The following PHF19 variants were observed in gnomAD, a reference collection of about 807,000 sequenced individuals.
PHF19 encodes PHD finger protein 19, also known as polycomb like 3.
A neutral mutation model predicts 79.8 loss-of-function variants in PHF19; 21 were observed. The ratio of observed to expected loss-of-function variants is 0.26; its 90% CI spans 0.19 to 0.38. PHF19 has a LOEUF of 0.38. PHF19 is among the 10% of genes least tolerant of loss of function. The pLI, the probability that PHF19 is intolerant of heterozygous loss-of-function variation, is 1.00. For missense variants in PHF19, 445 were observed against 744.2 expected (o/e 0.60, Z 4.68); for synonymous variants, 273 against 296.3 (o/e 0.92, Z 0.81).
chr9:120,902,066 T>C, the PHF19 span, among the ~76,000 whole-genome samples: 2 of 152,184 alleles, frequency 1.3e-5, no homozygotes, highest in South Asian at 2.1e-4. Context: ...CCTGAGAAGC[T>C]GATTGTCTAA....
At chr9:120,864,911 T>C (rs1218254227) in intron 9 of PHF19, among the ~76,000 whole-genome samples, 1 of 152,108 alleles carries the variant, frequency 6.6e-6, no homozygotes, top group Non-Finnish European at 1.5e-5. Flanking sequence ...TTCCTTATAC[T>C]TTTTGGTACT....
Position 120,869,395 on chromosome 9 carries a change from G to T in PHF19, c.466-65C>A. The T allele has an allele frequency of 6.5e-7, 1 of 1,546,354 alleles. No individual in the cohort carries two copies. The highest frequency in any genetic ancestry group is 8.8e-7 in the Non-Finnish European group (1 of 1,139,234). On this transcript the variant is annotated intron_variant, in intron 5 of 14. Coordinates refer to ENST00000373896, the MANE Select transcript of PHF19 (RefSeq NM_015651.3). The surrounding 1 kb of genome is among the most constrained non-coding windows in gnomAD (Gnocchi z 5.8). ...GGTGGACCACGCGAGTCAGCACGCG[G>T]CTGTCTATTGAGGGAAGTGCTGCCA...
In PHF19 at chr9:120,869,062, G is replaced by A. The variant is rs1048214556; in HGVS notation, c.614+120C>T. The A allele has an allele frequency of 2.6e-6, 3 of 1,149,092 alleles. No homozygotes were observed. Among genetic ancestry groups the A allele is most frequent in the Non-Finnish European group, 3.5e-6 (3 of 850,554 alleles). 71.2% of individuals were successfully genotyped at this position (1,149,092 alleles called of 1,614,324 possible). ...CCGCCCCCACAGCGCAACACACTGGGCCCGCCCTCAAGGTCCCCGCCTTGG... is the reference window on the plus strand; with the variant it reads ...CCGCCCCCACAGCGCAACACACTGGACCCGCCCTCAAGGTCCCCGCCTTGG... On this transcript the variant is annotated intron_variant, in intron 6 of 14. Transcript: ENST00000373896. The surrounding 1 kb of genome is among the most constrained non-coding windows in gnomAD (Gnocchi z 5.8).
At position 120,866,597 on chromosome 9, in the gene PHF19, G is replaced by A. The variant is rs1248131524; in HGVS notation, c.710+273C>T. The stretch of plus-strand genomic sequence containing the variant: ...TCCCTTCTTCCCCAGACACTTAAGA[G>A]ACTAGGGCATAGGGAAGGCAGGCAT... On this transcript the variant is annotated intron_variant, in intron 7 of 14. Coordinates refer to ENST00000373896, the MANE Select transcript of PHF19 (RefSeq NM_015651.3). This position sits in a 1 kb window ranked among gnomAD's most constrained non-coding sequence, Gnocchi z 5.2. 1.3e-5 allele frequency among the ~76,000 whole-genome samples: 2 copies of A among 152,226 alleles called. No individual in the cohort carries two copies. Among genetic ancestry groups the A allele is most frequent in the African/African-American group, 2.4e-5 (1 of 41,454 alleles).
rs1271153764 is a variant in PHF19, at chr9:120,865,846, A to C, written c.780-16T>G. 3 of 1,613,938 alleles carry C rather than the reference A, an allele frequency of 1.9e-6. No individual in the cohort carries two copies. Among genetic ancestry groups the C allele is most frequent in the Non-Finnish European group, 2.5e-6 (3 of 1,179,958 alleles). On this transcript the variant is annotated splice_polypyrimidine_tract_variant and intron_variant, in intron 8 of 14. Transcript: ENST00000373896. ...CACATCCACCCTGGGCAAGGGGGCA[A>C]GGAGGTGGGACCAGGTGAGGTGGCA... is the stretch of plus-strand genomic sequence containing the variant.
chr9:120,894,066 C>T (rs542748522), intron 1 of PHF19, among the ~76,000 whole-genome samples: 1 of 152,258 alleles, frequency 6.6e-6, no homozygotes, highest in South Asian at 2.1e-4. Context: ...GGTTTTTGGA[C>T]CACTGGAATG....
Position 120,860,100 on chromosome 9 carries a change from A to T in PHF19, c.1390T>A (p.Tyr464Asn). Residue 464 changes from tyrosine to asparagine, a missense_variant, in exon 14 of 15, where the codon TAT (tyrosine) becomes AAT (asparagine). Physicochemically the swap from Tyr to Asn is moderately radical, Grantham distance 143. Around this residue, in one of 5 missense-constraint regions of PHF19, gnomAD observed 125 missense variants for 180.5 expected, o/e 0.69. Transcript: ENST00000373896. This position sits in a 1 kb window ranked among gnomAD's most constrained non-coding sequence, Gnocchi z 4.1. ...CTCTAGGAAGCTCACCTGGAGTCATAGGAGAGGCTGGTGGAGGCAGAGCCA... is the reference window on the plus strand; with the variant it reads ...CTCTAGGAAGCTCACCTGGAGTCATTGGAGAGGCTGGTGGAGGCAGAGCCA... ...TSGSASTSLSYDSRWTVGSRK... is the reference protein window; with the variant it reads ...TSGSASTSLSNDSRWTVGSRK... 6.3e-7 allele frequency: 1 copy of T among 1,581,890 alleles called. No homozygotes were observed. The highest frequency in any genetic ancestry group is 8.6e-7 in the Non-Finnish European group (1 of 1,157,652).
At chr9:120,865,612 A>T in intron 9 of PHF19, 98 bp downstream of exon 9, 1 of 1,430,008 alleles carries the variant, frequency 7.0e-7, no homozygotes, top group Non-Finnish European at 9.7e-7. Context: ...CAGCAACTCA[A>T]GGGTGAGAGT....
At chr9:120,868,709 C>T (rs2045782926) in intron 6 of PHF19, 1 of 519,422 alleles carries the variant, frequency 1.9e-6, no homozygotes, top group Non-Finnish European at 2.5e-6. Flanking sequence ...TCAGGGACCG[C>T]CCCTTGAGGC....
upstream of PHF19, among the ~76,000 whole-genome samples, chr9:120,877,603 C>T (rs953769099): frequency 6.6e-6 from 1 of 152,172 alleles, no homozygotes; most frequent in East Asian, 1.9e-4. Flanking sequence ...GCTCTGCGCG[C>T]AGGCACCGGC....
upstream of PHF19, among the ~76,000 whole-genome samples, chr9:120,877,975 G>A (rs1159738575): frequency 2.0e-5 from 3 of 152,228 alleles, no homozygotes; most frequent in African/African-American, 7.2e-5. Flanking sequence ...AGACGGGCAA[G>A]AGACACAAGT....
chr9:120,878,179 G>C (rs2131577480), upstream of PHF19, among the ~76,000 whole-genome samples: 1 of 152,314 alleles, frequency 6.6e-6, no homozygotes, highest in South Asian at 2.1e-4. Flanking sequence ...ACAGTGCACA[G>C]AAATACATGG....
chr9:120,881,107 G>T (rs995957669), upstream of PHF19, among the ~76,000 whole-genome samples: 1 of 151,928 alleles, frequency 6.6e-6, no homozygotes, highest in African/African-American at 2.4e-5. Flanking sequence ...TTTGGGAAGG[G>T]AGGGACAGGA....
chr9:120,861,312 T>C, intron 12 of PHF19, 138 bp from the exon 13 acceptor site: 2 of 696,064 alleles, frequency 2.9e-6, no homozygotes, highest in Non-Finnish European at 5.3e-6. Flanking sequence ...TTATTCCAAG[T>C]CCTGACCAGG....
chr9:120,862,625 A>T lies in PHF19; in HGVS notation c.1093T>A (p.Ser365Thr). ...TTTCCTCTCTTACGCAGCTCAGAGG[A>T]GGCGCTGTTCTCATTTGGCAGCAGT... Reference protein sequence around the residue: ...KGLLPNENSASSELRKRGKSK... With the variant: ...KGLLPNENSATSELRKRGKSK... Residue 365 changes from serine to threonine, a missense_variant, in exon 11 of 15, where the codon TCC becomes ACC. Around this residue, in one of 5 missense-constraint regions of PHF19, gnomAD observed 83 missense variants for 85.5 expected, o/e 0.97. Coordinates refer to ENST00000373896, the MANE Select transcript of PHF19 (RefSeq NM_015651.3). This position sits in a 1 kb window ranked among gnomAD's most constrained non-coding sequence, Gnocchi z 4.6. 6.2e-7 allele frequency: 1 copy of T among 1,614,064 alleles called. No homozygotes were observed. Among genetic ancestry groups the T allele is most frequent in the Admixed American group, 1.7e-5 (1 of 60,028 alleles).
upstream of PHF19, among the ~76,000 whole-genome samples, chr9:120,881,155 T>G (rs1202005643): frequency 1.6e-3 from 238 of 149,978 alleles, 1 homozygote; most frequent in African/African-American, 5.6e-3. Context: ...GTTTGTTTTT[T>G]TTTTTTTTTT....
At chr9:120,863,563 CG>C (rs1210428388) in intron 10 of PHF19, among the ~76,000 whole-genome samples, 1 of 152,154 alleles carries the variant, frequency 6.6e-6, no homozygotes, top group Non-Finnish European at 1.5e-5. Flanking sequence ...AAAGGGACAG[CG>C]GCAGAGGACG....
chr9:120,859,398 G>A (rs1359368147), intron 14 of PHF19, among the ~76,000 whole-genome samples: 1 of 151,958 alleles, frequency 6.6e-6, no homozygotes, highest in Non-Finnish European at 1.5e-5. Context: ...AGGATGACAG[G>A]CATGAGCCAC....
intron 1 of PHF19, among the ~76,000 whole-genome samples, chr9:120,875,482 C>T (rs913963164): frequency 6.6e-6 from 1 of 152,212 alleles, no homozygotes; most frequent in African/African-American, 2.4e-5. Flanking sequence ...TCTCTCCCTG[C>T]CTGTGGTACT....
Sources: allele counts gnomAD v4.1 joint callset (sites outside exome capture counted in the v4.1 genomes callset), GRCh38; gene constraint gnomAD v4.1.1; regional missense constraint gnomAD v4.1.1; non-coding constraint Gnocchi (gnomAD v3.1); transcripts MANE v1.5; gene names NCBI Gene and HGNC (gene_info 2026-07-23, HGNC 2026-07-21).